Variants in CFHR2 observed in about 807,000 individuals in gnomAD.
The protein encoded by CFHR2 is complement factor H-related protein 2.
CFHR2 carries 22 observed loss-of-function variants against 21.7 expected under a neutral mutation model. The observed-to-expected ratio is 1.01, with a 90% CI of 0.72 to 1.45. The LOEUF (loss-of-function observed/expected upper bound fraction) is 1.45, where lower values mean the gene tolerates loss of function less well. Among genes scored for constraint, CFHR2 ranks in the 40% most tolerant of loss-of-function variants. The pLI, the probability that CFHR2 is intolerant of heterozygous loss-of-function variation, is 0.00. For synonymous variants in CFHR2, 98 were observed against 97.4 expected (o/e 1.01, Z -0.04); for missense variants, 294 against 293.3 (o/e 1.00, Z -0.02).
In CFHR2 at chr1:196,959,147, A is replaced by G. The variant is rs1653021772; in HGVS notation, c.*67A>G. ...GAATTTACTATTATATTTGTTTTCA[A>G]TTTCATTTTTCAAGTACTGTTTTAC... On this transcript the variant is annotated 3_prime_UTR_variant, in exon 5 of 5. Coordinates refer to ENST00000367415, the MANE Select transcript of CFHR2 (RefSeq NM_005666.4). The G allele has an allele frequency of 1.7e-6, 2 of 1,164,730 alleles. No homozygotes were observed. Among genetic ancestry groups the G allele is most frequent in the Non-Finnish European group, 1.2e-6 (1 of 821,914 alleles). The allele number at this position is 1,164,730 out of a possible 1,614,324, so 72.1% of individuals were successfully genotyped here.
At position 196,959,038 on chromosome 1, in the gene CFHR2, T is replaced by A. The variant is rs1407147790; in HGVS notation, c.771T>A (p.Cys257Ter). The A allele has an allele frequency of 6.2e-7, 1 of 1,612,400 alleles. No individual in the cohort carries two copies. Among genetic ancestry groups the A allele is most frequent in the Admixed American group, 1.7e-5 (1 of 59,856 alleles). ...AATCTCATTCATTTCGAGCAATGTG[T>A]CAGAATGGGAAACTGGTATATCCCA... ...PTKSHSFRAM[C>*]QNGKLVYPSC... Residue 257 changes from cysteine to a stop codon, truncating the protein, a stop_gained, in exon 5 of 5, where the codon TGT becomes TGA. Coordinates refer to ENST00000367415, the MANE Select transcript of CFHR2 (RefSeq NM_005666.4). LOFTEE classifies it low-confidence loss of function (END_TRUNC).
intron 3 of CFHR2, among the ~76,000 whole-genome samples, chr1:196,957,345 CT>C (rs5779854): frequency 0.022 from 3,089 of 140,022 alleles, 101 homozygotes; most frequent in African/African-American, 0.073. Flanking sequence ...TGTTCTTTTC[CT>C]TTTTTTTTTT....
intron 1 of CFHR2, among the ~76,000 whole-genome samples, chr1:196,945,104 G>A (rs889412316): frequency 2.1e-5 from 3 of 144,546 alleles, no homozygotes; most frequent in South Asian, 2.2e-4. Flanking sequence ...TCGAACTCCC[G>A]ACCTCAGGTG....
chr1:196,957,222 C>A (rs1256759867), intron 3 of CFHR2, among the ~76,000 whole-genome samples: 1 of 152,038 alleles, frequency 6.6e-6, no homozygotes, highest in Non-Finnish European at 1.5e-5. Flanking sequence ...AGTGTCCTAT[C>A]CAGGATACAA....
chr1:196,958,046 C>A lies in CFHR2; in HGVS notation c.586C>A (p.Gln196Lys), dbSNP rs372276827. 1.1e-5 allele frequency: 18 copies of A among 1,613,372 alleles called. No individual in the cohort carries two copies. Among genetic ancestry groups the A allele is most frequent in the Admixed American group, 1.7e-5 (1 of 59,956 alleles). ...GNNQITCRNG[Q>K]WSEPPKCLDP... The stretch of plus-strand genomic sequence containing the variant: ...CAATCAAATAACATGTAGAAACGGA[C>A]AATGGTCAGAACCACCAAAATGCTT... Residue 196 changes from glutamine (Q) to lysine (K), a missense_variant, in exon 4 of 5, where the codon CAA becomes AAA. Gln to Lys is a moderately conservative substitution (Grantham distance 53, BLOSUM62 1). Transcript: ENST00000367415.
intron 3 of CFHR2, among the ~76,000 whole-genome samples, chr1:196,956,397 A>G (rs1339183523): frequency 6.6e-6 from 1 of 152,186 alleles, no homozygotes; most frequent in Non-Finnish European, 1.5e-5. Flanking sequence ...ACATGTCACT[A>G]TTAGTTTATG....
At chr1:196,957,336 G>A (rs1238589988) in intron 3 of CFHR2, among the ~76,000 whole-genome samples, 1 of 121,796 alleles carries the variant, frequency 8.2e-6, no homozygotes, top group Non-Finnish European at 1.6e-5. Context: ...GTCTTTTTAT[G>A]TTCTTTTCCT....
At position 196,955,902 on chromosome 1, in the gene CFHR2, A is replaced by G. The variant is rs144865381; in HGVS notation, c.431-1989A>G. ...AGGTTTAATTGACTCACAGTTCCAC[A>G]TGGCTGTGGCTTCAGAAAACTTACA... On this transcript the variant is annotated intron_variant, in intron 3 of 4. Transcript: ENST00000367415. Among the ~76,000 whole-genome samples, 200 of 152,286 alleles carry G rather than the reference A, an allele frequency of 1.3e-3. 1 individual carries two copies. The highest frequency in any genetic ancestry group is 4.6e-3 in the African/African-American group (192 of 41,568).
At chr1:196,955,347 C>T (rs988500022) in intron 3 of CFHR2, among the ~76,000 whole-genome samples, 9 of 152,126 alleles carry the variant, frequency 5.9e-5, no homozygotes, top group Non-Finnish European at 1.3e-4. Context: ...AACCATTGAA[C>T]AAGTCTCAAG....
At chr1:196,949,353 C>A in intron 1 of CFHR2, 102 bp from the exon 2 acceptor site, 1 of 1,186,316 alleles carries the variant, frequency 8.4e-7, no homozygotes, top group South Asian at 1.6e-5. Context: ...GGCATTTAAG[C>A]TAAATGAAAG....
In CFHR2 at chr1:196,951,022, T is replaced by C; in HGVS notation, c.424T>C (p.Ser142Pro). The C allele has an allele frequency of 5.6e-6, 9 of 1,614,060 alleles. No homozygotes were observed. The highest frequency in any genetic ancestry group is 7.6e-6 in the Non-Finnish European group (9 of 1,179,984). ...CTGGTCCACTCCTCCCAAATGCAGG[T>C]CCACTAGTAAGTGCAATGTTGTTCT... ...RGWSTPPKCR[S>P]TISAEKCGPP... is the part of the protein sequence containing the mutation. The change falls in exon 3 of 5, where the codon TCC becomes CCC. Residue 142 changes from serine to proline, a missense_variant. Physicochemically the swap from Ser to Pro is moderately conservative, Grantham distance 74. Transcript: ENST00000367415.
chr1:196,957,946 A>T lies in CFHR2; in HGVS notation c.486A>T (p.Ser162=). 1 of 1,613,676 alleles carries T rather than the reference A, an allele frequency of 6.2e-7. No individual in the cohort carries two copies. Among genetic ancestry groups the T allele is most frequent in the Non-Finnish European group, 8.5e-7 (1 of 1,179,712 alleles). The change falls in exon 4 of 5, where the codon TCA becomes TCT. Residue 162 remains serine (S), a synonymous_variant. Transcript: ENST00000367415. ...CTATTGACAATGGAGACATTACTTC[A>T]TTCCTGTTGTCAGTATATGCTCCAG... The part of the protein sequence containing the change: ...PPPIDNGDIT[S]FLLSVYAPGS...
chr1:196,957,183 C>G (rs1652919807), intron 3 of CFHR2, among the ~76,000 whole-genome samples: 1 of 152,070 alleles, frequency 6.6e-6, no homozygotes, highest in Admixed American at 6.6e-5. Flanking sequence ...GTCTGAACCT[C>G]ATATCAATAC....
intron 2 of CFHR2, among the ~76,000 whole-genome samples, chr1:196,950,424 T>C (rs1304313747): frequency 6.6e-6 from 1 of 152,128 alleles, no homozygotes; most frequent in Non-Finnish European, 1.5e-5. Flanking sequence ...TTATATTTGA[T>C]TTCAGCTTTG....
At chr1:196,952,779 A>G (rs1558270092) in intron 3 of CFHR2, among the ~76,000 whole-genome samples, 1 of 152,232 alleles carries the variant, frequency 6.6e-6, no homozygotes, top group Admixed American at 6.5e-5. Context: ...GTGGGTAATG[A>G]CATTTAGAAA....
chr1:196,955,214 G>T (rs923363620), intron 3 of CFHR2, among the ~76,000 whole-genome samples: 3 of 152,174 alleles, frequency 2.0e-5, no homozygotes, highest in African/African-American at 7.2e-5. Flanking sequence ...ATTGACACTA[G>T]TCTCTTTGCT....
At chr1:196,954,597 C>T (rs760123781) in intron 3 of CFHR2, among the ~76,000 whole-genome samples, 2 of 152,178 alleles carry the variant, frequency 1.3e-5, no homozygotes, top group Non-Finnish European at 2.9e-5. Flanking sequence ...CTGCAGACTC[C>T]ACCCCTGCAG....
intron 3 of CFHR2, among the ~76,000 whole-genome samples, chr1:196,956,449 T>C (rs1652883270): frequency 6.6e-6 from 1 of 152,220 alleles, no homozygotes; most frequent in African/African-American, 2.4e-5. Flanking sequence ...TTTTTTTGTT[T>C]TCAGCTCAAT....
chr1:196,949,016 T>C (rs1659624329), intron 1 of CFHR2, among the ~76,000 whole-genome samples: 1 of 151,810 alleles, frequency 6.6e-6, no homozygotes, highest in Non-Finnish European at 1.5e-5. Context: ...AGAAAAAAAA[T>C]AGGACAGAGT....
Sources: gnomAD v4.1 joint callset for allele counts (sites outside exome capture counted in the v4.1 genomes callset) on GRCh38, gnomAD v4.1.1 for gene constraint, MANE v1.5 for transcripts, NCBI Gene and HGNC (gene_info 2026-07-23, HGNC 2026-07-21) for gene names.